Variants in LIPC observed in about 807,000 individuals in gnomAD.
LIPC encodes lipase C, hepatic type, also known as hepatic triacylglycerol lipase.
A neutral mutation model predicts 50.7 loss-of-function variants in LIPC; 44 were observed. The observed-to-expected ratio is 0.87, with a 90% CI of 0.68 to 1.11. The LOEUF (loss-of-function observed/expected upper bound fraction) is 1.11. Ranked by LOEUF, LIPC falls within the 50% of genes most tolerant of loss-of-function variation. The probability of loss-of-function intolerance (pLI) is 0.00; values close to 1 mark genes in which losing one functional copy is unlikely to be tolerated. For missense variants in LIPC, 697 were observed against 648.2 expected (o/e 1.08, Z -0.82); for synonymous variants, 271 against 256.4 (o/e 1.06, Z -0.54).
intron 6 of LIPC, among the ~76,000 whole-genome samples, chr15:58,555,421 G>A (rs1403828502): frequency 6.6e-6 from 1 of 152,154 alleles, no homozygotes; most frequent in Admixed American, 6.5e-5. Context: ...CTTTTCTTCA[G>A]GGGCTGTTGG....
At chr15:58,460,821 C>A (rs189782223) in intron 1 of LIPC, among the ~76,000 whole-genome samples, 1 of 152,214 alleles carries the variant, frequency 6.6e-6, no homozygotes, top group East Asian at 1.9e-4. Context: ...AGCTCAGGAA[C>A]AGACTTCCTT....
chr15:58,514,680 C>G (rs1417729326), intron 1 of LIPC, among the ~76,000 whole-genome samples: 1 of 152,038 alleles, frequency 6.6e-6, no homozygotes. Context: ...AAAAATTAGC[C>G]AGGCATGGTG....
At position 58,511,620 on chromosome 15, in the gene LIPC, G is replaced by A. The variant is rs564274869; in HGVS notation, c.89-26713G>A. On this transcript the variant is annotated intron_variant, in intron 1 of 8. Transcript: ENST00000299022. ...TTTGCATGAGCAAAGCTAAATTGGC[G>A]CTGACAACTGGCAATAGGTATTGAG... Among the ~76,000 whole-genome samples, 273 of 152,260 alleles carry A rather than the reference G, an allele frequency of 1.8e-3. 1 individual carries two copies. The highest frequency in any genetic ancestry group is 0.014 in the Middle Eastern group (4 of 294).
At chr15:58,567,469 G>A (rs1046816535) in intron 8 of LIPC, among the ~76,000 whole-genome samples, 7 of 150,308 alleles carry the variant, frequency 4.7e-5, no homozygotes, top group Non-Finnish European at 1.0e-4. Flanking sequence ...TTATTTCTAG[G>A]TGTCTTATCA....
rs1183363851 is a variant in LIPC at position 58,541,949 on chromosome 15, T to C, written c.438T>C (p.Ala146=). ...NTRLVGKEVA[A]LLRWLEESVQ... is the part of the protein sequence containing the mutation. Reference sequence around the variant, plus strand: ...GCCTTGTGGGCAAGGAGGTCGCGGCTCTTCTCCGGTGGCTGGAGGTACCGA... The same window carrying C: ...GCCTTGTGGGCAAGGAGGTCGCGGCCCTTCTCCGGTGGCTGGAGGTACCGA... Residue 146 remains alanine, a synonymous_variant, in exon 3 of 9, where the codon GCT becomes GCC. Transcript: ENST00000299022. 1 of 1,610,082 alleles carries C rather than the reference T, an allele frequency of 6.2e-7. No individual in the cohort carries two copies. The highest frequency in any genetic ancestry group is 2.2e-5 in the East Asian group (1 of 44,776).
chr15:58,504,711 T>A (rs1335582732), intron 1 of LIPC, among the ~76,000 whole-genome samples: 1 of 152,258 alleles, frequency 6.6e-6, no homozygotes, highest in African/African-American at 2.4e-5. Context: ...TCTACCATTA[T>A]TGTCAGAAAC....
rs1555408137 is a variant in LIPC at position 58,567,348 on chromosome 15, T to TATATATATAC, written c.1389-1359_1389-1358insCATATATATA. Among the ~76,000 whole-genome samples the TATATATATAC allele has an allele frequency of 2.0e-3, 163 of 79,874 alleles. 7 individuals are homozygous for TATATATATAC. The highest frequency in any genetic ancestry group is 4.4e-3 in the South Asian group (10 of 2,254). 52.4% of individuals were successfully genotyped at this position (79,874 alleles called of 152,430 possible). A position where few individuals can be genotyped will look rare whatever the true frequency, so the allele number is the denominator to read the frequency against. The stretch of plus-strand genomic sequence containing the variant: ...GTATATATATATATATGTATATGTA[T>TATATATATAC]ATATATATATGTATATGTATATATA... On this transcript the variant is annotated intron_variant, in intron 8 of 8. Coordinates refer to ENST00000299022, the MANE Select transcript of LIPC (RefSeq NM_000236.3).
chr15:58,513,069 C>A (rs1892381344), intron 1 of LIPC, among the ~76,000 whole-genome samples: 1 of 152,184 alleles, frequency 6.6e-6, no homozygotes, highest in Non-Finnish European at 1.5e-5. Context: ...GACGCTCGAC[C>A]TTTCTCAGGC....
At chr15:58,539,482 T>A (rs577426634) in intron 2 of LIPC, among the ~76,000 whole-genome samples, 5 of 152,218 alleles carry the variant, frequency 3.3e-5, no homozygotes, top group African/African-American at 1.2e-4. Context: ...TCAAACCATG[T>A]GAGAACTTGT....
intron 1 of LIPC, 68 bp downstream of exon 1, chr15:58,432,188 TC>T: frequency 8.5e-7 from 1 of 1,177,840 alleles, no homozygotes. Context: ...TCACAAAGAA[TC>T]CAGGGGTTTC....
chr15:58,550,260 C>T (rs894796105), intron 6 of LIPC, among the ~76,000 whole-genome samples: 1 of 152,126 alleles, frequency 6.6e-6, no homozygotes, highest in African/African-American at 2.4e-5. Flanking sequence ...CTTGAAATCA[C>T]CTGGGAAGAA....
At chr15:58,474,432 G>A (rs1166696417) in intron 1 of LIPC, among the ~76,000 whole-genome samples, 1 of 150,948 alleles carries the variant, frequency 6.6e-6, no homozygotes, top group East Asian at 2.0e-4. Flanking sequence ...GAGGCAAGAG[G>A]ATCAGAAGGT....
intron 1 of LIPC, among the ~76,000 whole-genome samples, chr15:58,512,745 C>G (rs1267090139): frequency 6.6e-6 from 1 of 152,110 alleles, no homozygotes; most frequent in Non-Finnish European, 1.5e-5. Context: ...GGTTGAGCAA[C>G]AGTGGCACTG....
At chr15:58,502,956 T>TAAA (rs11449666) in intron 1 of LIPC, among the ~76,000 whole-genome samples, 16 of 140,518 alleles carry the variant, frequency 1.1e-4, no homozygotes, top group African/African-American at 3.2e-4. Flanking sequence ...AAACATTGTT[T>TAAA]AAAAAAAAAA....
rs1894138319 is a variant in LIPC at position 58,560,915 on chromosome 15, TACAA to T, written c.1108_1111del (p.Thr370LeufsTer43). 1.3e-6 allele frequency: 2 copies of T among 1,557,024 alleles called. No individual in the cohort carries two copies. Among genetic ancestry groups the T allele is most frequent in the Non-Finnish European group, 1.8e-6 (2 of 1,127,762 alleles). On this transcript the variant is annotated frameshift_variant, in exon 7 of 9. Coordinates refer to ENST00000299022, the MANE Select transcript of LIPC (RefSeq NM_000236.3). LOFTEE classifies it high-confidence loss of function. The stretch of plus-strand genomic sequence containing the variant: ...TTCATCAACCAAACTGAGACACCAA[TACAA>T]ACAACTTTTACCATGTCACTACTCG...
At chr15:58,517,916 C>T (rs1188902756) in intron 1 of LIPC, among the ~76,000 whole-genome samples, 1 of 152,198 alleles carries the variant, frequency 6.6e-6, no homozygotes, top group Non-Finnish European at 1.5e-5. Context: ...TCAACAAGGT[C>T]AGACAGCTAG....
Position 58,568,836 on chromosome 15 carries a change from G to A in LIPC, c.*9G>A. 1 of 1,490,796 alleles carries A rather than the reference G, an allele frequency of 6.7e-7. No homozygotes were observed. Among genetic ancestry groups the A allele is most frequent in the Non-Finnish European group, 9.3e-7 (1 of 1,072,966 alleles). The allele number at this position is 1,490,796 out of a possible 1,614,324, so 92.3% of individuals were successfully genotyped here. A position where few individuals can be genotyped will look rare whatever the true frequency, so the allele number is the denominator to read the frequency against. Reference sequence around the variant, plus strand: ...AGCGAAAGATCAGATGAGATTTAATGAAGACCCAGTGTAAAGAATAAATGA... The same window carrying A: ...AGCGAAAGATCAGATGAGATTTAATAAAGACCCAGTGTAAAGAATAAATGA... On this transcript the variant is annotated 3_prime_UTR_variant, in exon 9 of 9. Coordinates refer to ENST00000299022, the MANE Select transcript of LIPC (RefSeq NM_000236.3).
intron 1 of LIPC, among the ~76,000 whole-genome samples, chr15:58,498,286 G>A (rs1891845720): frequency 6.6e-6 from 1 of 152,196 alleles, no homozygotes; most frequent in South Asian, 2.1e-4. Flanking sequence ...GCAAGGATGT[G>A]GTTCAATAGG....
At chr15:58,552,414 C>CCT (rs1256883350) in intron 6 of LIPC, among the ~76,000 whole-genome samples, 2 of 152,324 alleles carry the variant, frequency 1.3e-5, no homozygotes, top group African/African-American at 4.8e-5. Context: ...CGACTGAGTG[C>CCT]CTCTCCCTCC....
Sources: gnomAD v4.1 joint callset for allele counts (sites outside exome capture counted in the v4.1 genomes callset) on GRCh38, gnomAD v4.1.1 for gene constraint, MANE v1.5 for transcripts, NCBI Gene and HGNC (gene_info 2026-07-23, HGNC 2026-07-21) for gene names.